FAM221A: variants seen among roughly 807,000 people sequenced by gnomAD.
The protein encoded by FAM221A is family with sequence similarity 221 member A, also known as protein FAM221A.
In FAM221A, 43 loss-of-function variants were observed where a neutral mutation model predicts 37.6. The ratio of observed to expected loss-of-function variants is 1.15; its 90% CI spans 0.90 to 1.48. The LOEUF (loss-of-function observed/expected upper bound fraction) is 1.48. FAM221A is among the 40% of genes most tolerant of loss of function. FAM221A has a pLI of 0.00. For synonymous variants in FAM221A, 135 were observed against 132.9 expected, an observed-to-expected ratio of 1.02 and a Z score of -0.11; for missense variants, 361 against 361.5, an observed-to-expected ratio of 1.00 and a Z score of 0.01.
chr7:23,699,569 G>A (rs1162588204), intron 5 of FAM221A, among the ~76,000 whole-genome samples: 5 of 106,464 alleles, frequency 4.7e-5, no homozygotes, highest in African/African-American at 7.7e-5. Flanking sequence ...TTGAGACAGA[G>A]TCTTGATCTG....
intron 2 of FAM221A, among the ~76,000 whole-genome samples, chr7:23,685,514 A>G (rs1380849342): frequency 6.6e-6 from 1 of 152,206 alleles, no homozygotes. Context: ...AAAGTAGAGA[A>G]TGGGTCATCA....
Position 23,698,311 on chromosome 7 carries a change from A to C in FAM221A, c.745+12A>C, listed in dbSNP as rs375327838. ...AACGTTAACAGATGGTAATGAAATG[A>C]AGTTTAGAACTGTTTTTGGATGTAG... On this transcript the variant is annotated intron_variant, in intron 5 of 6. Transcript: ENST00000344962. 64 of 1,425,324 alleles carry C rather than the reference A, an allele frequency of 4.5e-5. No individual in the cohort carries two copies. The highest frequency in any genetic ancestry group is 5.9e-5 in the Non-Finnish European group (60 of 1,023,776). The allele number at this position is 1,425,324 out of a possible 1,614,324, so 88.3% of individuals were successfully genotyped here.
At chr7:23,701,839 T>C (rs546664931) in intron 6 of FAM221A, among the ~76,000 whole-genome samples, 1 of 152,352 alleles carries the variant, frequency 6.6e-6, no homozygotes, top group South Asian at 2.1e-4. Context: ...TAAGCACTTG[T>C]AATTTTAGTG....
chr7:23,684,134 T>C lies in FAM221A; in HGVS notation c.66-365T>C, dbSNP rs569802263. 5.9e-5 allele frequency among the ~76,000 whole-genome samples: 9 copies of C among 152,120 alleles called. No homozygotes were observed. In the East Asian group the frequency reaches 1.4e-3, roughly 23 times the overall value. On this transcript the variant is annotated intron_variant, in intron 1 of 6. Coordinates refer to ENST00000344962, the MANE Select transcript of FAM221A (RefSeq NM_199136.5). Reference sequence around the variant, plus strand: ...CCCCCAGTAAACTTGTTTGTGGAGGTCTGGGGAGTTTCTTCAGACCCCCAG... The same window carrying C: ...CCCCCAGTAAACTTGTTTGTGGAGGCCTGGGGAGTTTCTTCAGACCCCCAG...
chr7:23,694,383 T>G (rs1784927482), intron 4 of FAM221A: 1 of 152,226 alleles, frequency 6.6e-6, no homozygotes, highest in Non-Finnish European at 1.5e-5. Context: ...TCTTGATATT[T>G]TTGTGCATTT....
In FAM221A at chr7:23,702,232, A is replaced by G. The variant is rs546907787; in HGVS notation, c.*68A>G. ...CATGTTTATTTAAATGTAATAATAC[A>G]GTTTATTTTTCCTGAAATTATTTAC... On this transcript the variant is annotated 3_prime_UTR_variant, in exon 7 of 7. Coordinates refer to ENST00000344962, the MANE Select transcript of FAM221A (RefSeq NM_199136.5). The G allele has an allele frequency of 6.1e-6, 6 of 981,360 alleles. No homozygotes were observed. The South Asian group carries it at 1.1e-4, about 18-fold the overall frequency. The allele number at this position is 981,360 out of a possible 1,614,324, so 60.8% of individuals were successfully genotyped here.
chr7:23,680,636 A>G (rs1221371386), intron 1 of FAM221A: 1 of 212,216 alleles, frequency 4.7e-6, no homozygotes, highest in Non-Finnish European at 9.4e-6. Context: ...CATACATCAA[A>G]TTAACCCAGT....
intron 2 of FAM221A, chr7:23,686,544 G>T (rs1784382521): frequency 1.3e-5 from 3 of 239,534 alleles, no homozygotes; most frequent in Non-Finnish European, 2.5e-5. Context: ...CAGATTACAC[G>T]TGTGCGCCAC....
chr7:23,683,090 A>G lies in FAM221A; in HGVS notation c.66-1409A>G, dbSNP rs935345144. ...CTACCGCAGCTAAAGGCTTCAAAGTATGGAAAAAAGCATGTATTGCACAAA... is the reference window on the plus strand; with the variant it reads ...CTACCGCAGCTAAAGGCTTCAAAGTGTGGAAAAAAGCATGTATTGCACAAA... On this transcript the variant is annotated intron_variant, in intron 1 of 6. Coordinates refer to ENST00000344962, the MANE Select transcript of FAM221A (RefSeq NM_199136.5). 6.6e-5 allele frequency among the ~76,000 whole-genome samples: 10 copies of G among 152,230 alleles called. No individual in the cohort carries two copies. In the South Asian group the frequency reaches 2.1e-3, roughly 31 times the overall value.
At chr7:23,692,397 A>G (rs1275994029) in intron 4 of FAM221A, 19 of 265,294 alleles carry the variant, frequency 7.2e-5, no homozygotes, top group Non-Finnish European at 1.1e-4. Flanking sequence ...GCTGGAGTGC[A>G]ATGGCGCGAT....
Position 23,702,091 on chromosome 7 carries a change from T to C in FAM221A, c.829-5T>C. 6.3e-7 allele frequency: 1 copy of C among 1,584,670 alleles called. No homozygotes were observed. The highest frequency in any genetic ancestry group is 8.6e-7 in the Non-Finnish European group (1 of 1,164,040). On this transcript the variant is annotated splice_polypyrimidine_tract_variant and splice_region_variant and intron_variant, in intron 6 of 6. Coordinates refer to ENST00000344962, the MANE Select transcript of FAM221A (RefSeq NM_199136.5). ...ATTATATCAATAAATATGTTAAATT[T>C]ACAGATGAAAATGGAAAAGGCTGCT...
chr7:23,699,817 C>T (rs184560617), intron 5 of FAM221A, among the ~76,000 whole-genome samples: 8 of 152,192 alleles, frequency 5.3e-5, no homozygotes, highest in South Asian at 2.1e-4. Context: ...GCTGGGACTA[C>T]AGGCGTGAAT....
At chr7:23,685,385 G>A (rs1010747855) in intron 2 of FAM221A, among the ~76,000 whole-genome samples, 1 of 152,196 alleles carries the variant, frequency 6.6e-6, no homozygotes, top group Non-Finnish European at 1.5e-5. Context: ...TCATCATGGA[G>A]TCTGTCACCT....
intron 5 of FAM221A, 123 bp from the exon 6 acceptor site, chr7:23,700,663 T>A: frequency 1.6e-6 from 1 of 619,858 alleles, no homozygotes; most frequent in Non-Finnish European, 2.8e-6. Context: ...ATTATTCATT[T>A]AGGCCATTTT....
At chr7:23,699,458 G>A (rs1785266034) in intron 5 of FAM221A, among the ~76,000 whole-genome samples, 1 of 149,626 alleles carries the variant, frequency 6.7e-6, no homozygotes, top group Admixed American at 6.7e-5. Context: ...GTGACCCTCA[G>A]TGATTAGTGA....
chr7:23,690,195 A>T lies in FAM221A; in HGVS notation c.430+736A>T, dbSNP rs1383645645. 2.8e-3 allele frequency among the ~76,000 whole-genome samples: 108 copies of T among 38,682 alleles called. 1 individual carries two copies. Among genetic ancestry groups the T allele is most frequent in the African/African-American group, 9.2e-3 (93 of 10,112 alleles). The allele number at this position is 38,682 out of a possible 152,430, so 25.4% of individuals were successfully genotyped here. A position where few individuals can be genotyped will look rare whatever the true frequency, so the allele number is the denominator to read the frequency against. On this transcript the variant is annotated intron_variant, in intron 3 of 6. Transcript: ENST00000344962. ...CATATATATATATATATATATATAT[A>T]TATATTTTTTTTTTTTTTAATAGAG...
chr7:23,691,445 A>C lies in FAM221A; in HGVS notation c.486A>C (p.Ala162=). The C allele has an allele frequency of 6.2e-7, 1 of 1,614,244 alleles. No individual in the cohort carries two copies. The highest frequency in any genetic ancestry group is 1.3e-5 in the African/African-American group (1 of 75,068). The stretch of plus-strand genomic sequence containing the variant: ...TCACTTGTGCTTGTGGTCAGCCTGC[A>C]TATGCCCATGACACAGTAGTGGAAA... The part of the protein sequence containing the change: ...SCFTCACGQP[A]YAHDTVVETK... Residue 162 remains alanine (A), a synonymous_variant, in exon 4 of 7, where the codon GCA becomes GCC. Transcript: ENST00000344962.
At chr7:23,692,800 A>G (rs1784828829) in intron 4 of FAM221A, 1 of 878,776 alleles carries the variant, frequency 1.1e-6, no homozygotes, top group South Asian at 5.3e-5. Flanking sequence ...TTTAACATAC[A>G]ATTTTACTAT....
intron 1 of FAM221A, 39 bp downstream of exon 1, chr7:23,680,322 G>A (rs1406351432): frequency 1.3e-6 from 2 of 1,496,582 alleles, no homozygotes; most frequent in Admixed American, 2.1e-5. Context: ...CCGCCGCTCC[G>A]AGGGGCCAGG....
Sources: gnomAD v4.1 joint callset for allele counts (sites outside exome capture counted in the v4.1 genomes callset) on GRCh38, gnomAD v4.1.1 for gene constraint, MANE v1.5 for transcripts, NCBI Gene and HGNC (gene_info 2026-07-23, HGNC 2026-07-21) for gene names.